Variants in SYNRG observed in about 807,000 individuals in gnomAD.
SYNRG encodes AP1 gamma subunit binding protein 1.
In SYNRG, 37 loss-of-function variants were observed where a neutral mutation model predicts 130.9. The observed-to-expected ratio is 0.28, with a 90% confidence interval of 0.22 to 0.37. SYNRG has a LOEUF of 0.37. SYNRG is among the 10% of genes least tolerant of loss of function. The probability of loss-of-function intolerance (pLI) is 1.00; values close to 1 mark genes in which losing one functional copy is unlikely to be tolerated. For missense variants in SYNRG, 1,338 were observed against 1,588.9 expected (o/e 0.84, Z 2.68); for synonymous variants, 539 against 568.1 (o/e 0.95, Z 0.73).
chr17:37,592,619 AACAATTTGGATGAATCTGAAGGGATT>A, intron 3 of SYNRG, among the ~76,000 whole-genome samples: 1 of 152,358 alleles, frequency 6.6e-6, no homozygotes, highest in Non-Finnish European at 1.5e-5. Flanking sequence ...TGATACATGC[AACAATTTGGATGAATCTGAAGGGATT>A]ATTCTAAGCG....
At position 37,519,038 on chromosome 17, in the gene SYNRG, C is replaced by A; in HGVS notation, c.3847G>T (p.Ala1283Ser). 4 of 1,614,178 alleles carry A rather than the reference C, an allele frequency of 2.5e-6. No individual in the cohort carries two copies. Among genetic ancestry groups the A allele is most frequent in the Non-Finnish European group, 3.4e-6 (4 of 1,180,028 alleles). Residue 1283 changes from alanine (A) to serine (S), a missense_variant, in exon 22 of 22, where the codon GCC (alanine) becomes TCC (serine). Physicochemically the swap from Ala to Ser is moderately conservative, Grantham distance 99 (BLOSUM62 1). Transcript: ENST00000612223. ...GCGTGATACTGGTGCCCTCCATAGG[C>A]CAGCTTGAAACTGTCTGTTTCTGAG... ...FNSETDSFKL[A>S]YGGHQYHASC...
At chr17:37,525,747 C>T (rs1362239572) in intron 19 of SYNRG, among the ~76,000 whole-genome samples, 1 of 152,132 alleles carries the variant, frequency 6.6e-6, no homozygotes, top group East Asian at 1.9e-4. Flanking sequence ...GCGGGCGGAT[C>T]ACGAGGTCAG....
In SYNRG at chr17:37,553,867, A is replaced by C. The variant is rs758376266; in HGVS notation, c.1856T>G (p.Met619Arg). 6 of 1,612,174 alleles carry C rather than the reference A, an allele frequency of 3.7e-6. No individual in the cohort carries two copies. The highest frequency in any genetic ancestry group is 1.3e-5 in the African/African-American group (1 of 74,880). ...KNPLNLADLD[M>R]FSSVNCSSEK... ...GCTGCTGCAATTAACTGAGGAAAAC[A>C]TATCTAGGTCTGCTAAGTTCAGAGG... The change falls in exon 14 of 22, where the codon ATG becomes AGG. Residue 619 changes from methionine to arginine, a missense_variant. This residue lies in a region of SYNRG where 1,146 missense variants were observed against 1,342.3 expected (regional missense o/e 0.85). Coordinates refer to ENST00000612223, the MANE Select transcript of SYNRG (RefSeq NM_007247.6).
At chr17:37,601,995 G>A (rs940963830) in intron 1 of SYNRG, among the ~76,000 whole-genome samples, 3 of 151,742 alleles carry the variant, frequency 2.0e-5, no homozygotes, top group Non-Finnish European at 2.9e-5. Context: ...AAGCCTGGGC[G>A]ACAGAGTGAG....
chr17:37,550,868 C>G (rs1338660900), intron 14 of SYNRG, among the ~76,000 whole-genome samples: 1 of 152,108 alleles, frequency 6.6e-6, no homozygotes, highest in Non-Finnish European at 1.5e-5. Context: ...AATGACTGCA[C>G]GTCAAGATGC....
intron 1 of SYNRG, among the ~76,000 whole-genome samples, chr17:37,602,400 CAA>C (rs1181929172): frequency 6.6e-6 from 1 of 150,708 alleles, no homozygotes; most frequent in Admixed American, 6.6e-5. Context: ...TATCCAGTAA[CAA>C]AACAACTAAG....
At chr17:37,578,760 C>G (rs1055861753) in intron 6 of SYNRG, among the ~76,000 whole-genome samples, 1 of 152,216 alleles carries the variant, frequency 6.6e-6, no homozygotes, top group Middle Eastern at 3.2e-3. Context: ...CTTCTGCCCC[C>G]AAGTGCCCTG....
Position 37,584,636 on chromosome 17 carries a change from T to G in SYNRG, c.589+12A>C, listed in dbSNP as rs1428458490. The G allele has an allele frequency of 6.2e-7, 1 of 1,609,520 alleles. No homozygotes were observed. Among genetic ancestry groups the G allele is most frequent in the Non-Finnish European group, 8.5e-7 (1 of 1,176,164 alleles). On this transcript the variant is annotated intron_variant, in intron 6 of 21. Coordinates refer to ENST00000612223, the MANE Select transcript of SYNRG (RefSeq NM_007247.6). The stretch of plus-strand genomic sequence containing the variant: ...TCCCAGAAAAGAAAAATATAATGCC[T>G]CTTAAAACTACCTGGTTTCTTGGGG...
rs774399557 is a variant in SYNRG at position 37,553,307 on chromosome 17, C to T, written c.2416G>A (p.Asp806Asn). The change falls in exon 14 of 22, where the codon GAC (aspartate) becomes AAC (asparagine). Residue 806 changes from aspartate to asparagine, a missense_variant. This residue lies in a region of SYNRG where 1,146 missense variants were observed against 1,342.3 expected (regional missense o/e 0.85). Coordinates refer to ENST00000612223, the MANE Select transcript of SYNRG (RefSeq NM_007247.6). ...TCTAAGGACTTCACTGATGCAGAGT[C>T]TTCTTTGGTGTGTCTGAAAGCCACT... ...KAVAFRHTKE[D>N]SASVKSLDLP... The T allele has an allele frequency of 6.2e-7, 1 of 1,614,060 alleles. No individual in the cohort carries two copies. Among genetic ancestry groups the T allele is most frequent in the Admixed American group, 1.7e-5 (1 of 59,970 alleles).
intron 1 of SYNRG, 41 bp downstream of exon 1, chr17:37,609,238 C>T: frequency 7.2e-7 from 1 of 1,396,284 alleles, no homozygotes; most frequent in Non-Finnish European, 9.2e-7. Context: ...TCGCCGCCCC[C>T]GCGGAGGCCA....
chr17:37,577,335 A>G (rs1195705757), intron 7 of SYNRG, 45 bp downstream of exon 7: 1 of 1,558,394 alleles, frequency 6.4e-7, no homozygotes, highest in East Asian at 2.2e-5. Flanking sequence ...CATTTGAGCA[A>G]CATTTGGTTA....
intron 4 of SYNRG, 147 bp downstream of exon 4, chr17:37,586,272 G>GC: frequency 8.4e-7 from 1 of 1,189,476 alleles, no homozygotes; most frequent in South Asian, 1.7e-5. Flanking sequence ...GGGATTATAG[G>GC]CATGAACCAC....
intron 2 of SYNRG, 111 bp from the exon 3 acceptor site, chr17:37,596,455 A>G: frequency 8.4e-7 from 1 of 1,188,840 alleles, no homozygotes; most frequent in Non-Finnish European, 1.2e-6. Flanking sequence ...GTAATGGAAA[A>G]AGCACAGGGT....
chr17:37,570,286 G>A (rs2060326474), intron 10 of SYNRG, among the ~76,000 whole-genome samples: 1 of 151,378 alleles, frequency 6.6e-6, no homozygotes, highest in Non-Finnish European at 1.5e-5. Context: ...AGGGTAGCTG[G>A]GACTACAGGT....
chr17:37,536,361 T>G, intron 18 of SYNRG: 1 of 531,182 alleles, frequency 1.9e-6, no homozygotes. Flanking sequence ...TCTTACTGGC[T>G]ACATGACCTT....
At chr17:37,569,654 CA>C (rs528592907) in intron 10 of SYNRG, among the ~76,000 whole-genome samples, 48 of 53,974 alleles carry the variant, frequency 8.9e-4, no homozygotes, top group East Asian at 2.2e-3. Context: ...GACTCTGTCT[CA>C]AAAAAAAAAA....
At chr17:37,589,452 A>T (rs1421171708) in intron 3 of SYNRG, among the ~76,000 whole-genome samples, 1 of 152,214 alleles carries the variant, frequency 6.6e-6, no homozygotes. Flanking sequence ...TCAATAAATT[A>T]AAAATGGGCT....
intron 14 of SYNRG, among the ~76,000 whole-genome samples, chr17:37,552,209 GAAT>G (rs2058761478): frequency 6.6e-6 from 1 of 152,040 alleles, no homozygotes; most frequent in African/African-American, 2.4e-5. Flanking sequence ...ACATTTTCTA[GAAT>G]AATACAGTGA....
chr17:37,574,528 A>G (rs8076074), intron 8 of SYNRG, among the ~76,000 whole-genome samples: 6,857 of 152,250 alleles, frequency 0.045, 494 homozygotes, highest in African/African-American at 0.15. Context: ...TAACCAAAAT[A>G]TATAAGAAGC....
Sources: allele counts gnomAD v4.1 joint callset (sites outside exome capture counted in the v4.1 genomes callset), GRCh38; gene constraint gnomAD v4.1.1; regional missense constraint gnomAD v4.1.1; transcripts MANE v1.5; gene names NCBI Gene and HGNC (gene_info 2026-07-23, HGNC 2026-07-21).